The following MAP2K5 variants were observed in gnomAD, a reference collection of about 807,000 sequenced individuals.
MAP2K5 encodes dual specificity mitogen-activated protein kinase kinase 5.
MAP2K5 carries 49 observed loss-of-function variants against 83.1 expected under a neutral mutation model. That is an observed-to-expected ratio of 0.59 (90% CI 0.47 to 0.75). The LOEUF (loss-of-function observed/expected upper bound fraction) is 0.75, where lower values mean the gene tolerates loss of function less well. Ranked by LOEUF, MAP2K5 falls within the 30% of genes least tolerant of loss-of-function variation. The pLI is 0.00. For synonymous variants in MAP2K5, 202 were observed against 191.8 expected, an observed-to-expected ratio of 1.05 and a Z score of -0.44; for missense variants, 457 against 557.5, an observed-to-expected ratio of 0.82 and a Z score of 1.82.
intron 13 of MAP2K5, among the ~76,000 whole-genome samples, chr15:67,669,658 A>G (rs1277810985): frequency 6.6e-6 from 1 of 152,104 alleles, no homozygotes; most frequent in Non-Finnish European, 1.5e-5. Context: ...ATATATTTTA[A>G]ATGTATAGTT....
chr15:67,740,333 G>A (rs569278462), intron 17 of MAP2K5, among the ~76,000 whole-genome samples: 12 of 152,268 alleles, frequency 7.9e-5, no homozygotes, highest in Non-Finnish European at 1.8e-4. Context: ...GAAATCCTGA[G>A]GCTCTAAATC....
chr15:67,621,333 G>C lies in MAP2K5; in HGVS notation c.546-9555G>C, dbSNP rs138030503. On this transcript the variant is annotated intron_variant, in intron 8 of 21. Transcript: ENST00000178640. ...ACACACCTTAGTAAAGAATAACTGGGTATGATATGCTTAGAATCTAACTCA... is the reference window on the plus strand; with the variant it reads ...ACACACCTTAGTAAAGAATAACTGGCTATGATATGCTTAGAATCTAACTCA... 5.5e-3 allele frequency among the ~76,000 whole-genome samples: 824 copies of C among 150,882 alleles called. 6 individuals carry two copies. Among genetic ancestry groups the C allele is most frequent in the African/African-American group, 0.018 (744 of 41,210 alleles).
intron 9 of MAP2K5, among the ~76,000 whole-genome samples, chr15:67,635,467 GC>G (rs1224162975): frequency 6.6e-6 from 1 of 152,042 alleles, no homozygotes; most frequent in Non-Finnish European, 1.5e-5. Context: ...GAGTCACCGT[GC>G]CCGGCCTGGA....
At chr15:67,586,112 G>T (rs2085283467) in intron 5 of MAP2K5, among the ~76,000 whole-genome samples, 182 bp downstream of exon 5, 1 of 152,050 alleles carries the variant, frequency 6.6e-6, no homozygotes, top group East Asian at 1.9e-4. Context: ...GTATATATTT[G>T]CATACTGGGG....
chr15:67,784,106 G>A (rs1360742500), intron 21 of MAP2K5, among the ~76,000 whole-genome samples: 8 of 152,176 alleles, frequency 5.3e-5, no homozygotes. Context: ...ACTTAAGTTA[G>A]AGCATTCTTT....
chr15:67,731,013 T>C (rs1045579443), intron 17 of MAP2K5, among the ~76,000 whole-genome samples: 3 of 152,220 alleles, frequency 2.0e-5, no homozygotes, highest in Non-Finnish European at 4.4e-5. Flanking sequence ...AATGAGACTA[T>C]GGATATGAAA....
chr15:67,678,408 G>T (rs1213527242), intron 13 of MAP2K5, among the ~76,000 whole-genome samples: 1 of 152,138 alleles, frequency 6.6e-6, no homozygotes, highest in Non-Finnish European at 1.5e-5. Context: ...TCCCACAACA[G>T]CCACATGCCA....
chr15:67,740,371 C>T (rs1459105086), intron 17 of MAP2K5, among the ~76,000 whole-genome samples: 1 of 152,172 alleles, frequency 6.6e-6, no homozygotes, highest in Non-Finnish European at 1.5e-5. Context: ...TCTTTTCTTC[C>T]ATGTCCCATC....
intron 8 of MAP2K5, among the ~76,000 whole-genome samples, chr15:67,622,915 A>G (rs1033293502): frequency 6.6e-6 from 1 of 152,138 alleles, no homozygotes; most frequent in Non-Finnish European, 1.5e-5. Context: ...TGGCTAACAC[A>G]GTGAAAGCCC....
chr15:67,711,076 C>G (rs918347786), intron 16 of MAP2K5, among the ~76,000 whole-genome samples: 14 of 152,202 alleles, frequency 9.2e-5, no homozygotes, highest in Admixed American at 8.5e-4. Context: ...CTTTGTATTA[C>G]AGTAATTTAT....
rs1471226876 is a variant in MAP2K5, at chr15:67,746,910, T to C, written c.1075-1321T>C. ...TGCAAAAGAAATGCATAAACATAGC[T>C]GCAGCTCTTGAGAAACTCACAGTCT... On this transcript the variant is annotated intron_variant, in intron 17 of 21. Coordinates refer to ENST00000178640, the MANE Select transcript of MAP2K5 (RefSeq NM_145160.3). The surrounding 1 kb of genome is among the most constrained non-coding windows in gnomAD (Gnocchi z 4.1). Among the ~76,000 whole-genome samples, 1 of 152,250 alleles carries C rather than the reference T, an allele frequency of 6.6e-6. No homozygotes were observed. The highest frequency in any genetic ancestry group is 1.5e-5 in the Non-Finnish European group (1 of 68,042).
chr15:67,588,099 A>T, intron 6 of MAP2K5: 2 of 985,332 alleles, frequency 2.0e-6, no homozygotes, highest in Non-Finnish European at 2.4e-6. Context: ...ACTGCTCTTC[A>T]TGCTTTCAAG....
Position 67,749,824 on chromosome 15 carries a change from A to G in MAP2K5, c.1134+1223A>G, listed in dbSNP as rs1464081509. 1.3e-5 allele frequency among the ~76,000 whole-genome samples: 2 copies of G among 152,202 alleles called. No individual in the cohort carries two copies. Among genetic ancestry groups the G allele is most frequent in the African/African-American group, 4.8e-5 (2 of 41,450 alleles). ...CCAAAAGCCTACTATCCCCATCAGA[A>G]TCCTCCCAATTTAACTGGTTTTCCT... On this transcript the variant is annotated intron_variant, in intron 19 of 21. Transcript: ENST00000178640. This position sits in a 1 kb window ranked among gnomAD's most constrained non-coding sequence, Gnocchi z 4.6.
chr15:67,543,084 G>C lies in MAP2K5; in HGVS notation c.-252G>C, dbSNP rs1287326064. The C allele has an allele frequency of 1.9e-6, 1 of 540,492 alleles. No homozygotes were observed. The highest frequency in any genetic ancestry group is 1.9e-5 in the African/African-American group (1 of 52,670). 33.5% of individuals were successfully genotyped at this position (540,492 alleles called of 1,614,324 possible). ...AACCTTCCGACCTCCGCTAGTTCCT[G>C]CGGGCCTTTGCCCGCTTCCCGGTGC... On this transcript the variant is annotated 5_prime_UTR_variant, in exon 1 of 22. Transcript: ENST00000178640. The surrounding 1 kb of genome is among the most constrained non-coding windows in gnomAD (Gnocchi z 4.3).
At chr15:67,626,440 T>A (rs1166925141) in intron 8 of MAP2K5, among the ~76,000 whole-genome samples, 1 of 152,048 alleles carries the variant, frequency 6.6e-6, no homozygotes, top group African/African-American at 2.4e-5. Flanking sequence ...GGCAGGAGAA[T>A]TGCTTGAACC....
chr15:67,616,420 T>C (rs1415809786), intron 8 of MAP2K5, among the ~76,000 whole-genome samples: 1 of 152,188 alleles, frequency 6.6e-6, no homozygotes, highest in Non-Finnish European at 1.5e-5. Flanking sequence ...TCATAATGAA[T>C]CAGATCTCAG....
intron 2 of MAP2K5, among the ~76,000 whole-genome samples, chr15:67,558,777 C>T (rs1354971419): frequency 1.3e-5 from 2 of 152,214 alleles, no homozygotes; most frequent in South Asian, 4.1e-4. Flanking sequence ...AACAGTCTTT[C>T]CCCAGATATC....
chr15:67,699,921 G>T lies in MAP2K5; in HGVS notation c.973-3416G>T, dbSNP rs1362837906. Among the ~76,000 whole-genome samples, 3 of 150,292 alleles carry T rather than the reference G, an allele frequency of 2.0e-5. No individual in the cohort carries two copies. The East Asian group carries it at 5.9e-4, about 29-fold the overall frequency. ...TGAATTCAAGCAGTCTAACTCCAGA[G>T]CCCTGTTTAACCAGTGTTCTGTCTG... On this transcript the variant is annotated intron_variant, in intron 15 of 21. Transcript: ENST00000178640.
At position 67,782,561 on chromosome 15, in the gene MAP2K5, T is replaced by G. The variant is rs2090345577; in HGVS notation, c.1242+9809T>G. 6.6e-6 allele frequency among the ~76,000 whole-genome samples: 1 copy of G among 152,220 alleles called. No homozygotes were observed. The highest frequency in any genetic ancestry group is 2.4e-5 in the African/African-American group (1 of 41,460). On this transcript the variant is annotated intron_variant, in intron 21 of 21. Transcript: ENST00000178640. The surrounding 1 kb of genome is among the most constrained non-coding windows in gnomAD (Gnocchi z 4.9). ...TCACAGTGACCAGGCCTGAGTTTAT[T>G]CAGCATTCACAGGGAGCAGCTAATT...
Sources: gnomAD v4.1 joint callset for allele counts (sites outside exome capture counted in the v4.1 genomes callset) on GRCh38, gnomAD v4.1.1 for gene constraint, Gnocchi (gnomAD v3.1) non-coding constraint, MANE v1.5 for transcripts, NCBI Gene and HGNC (gene_info 2026-07-23, HGNC 2026-07-21) for gene names.